TNR: variants seen among roughly 807,000 people sequenced by gnomAD.
TNR encodes the protein tenascin R.
Under a neutral mutation model 150.4 loss-of-function variants are expected in TNR, and 45 were observed. That is an observed-to-expected ratio of 0.30 (90% CI 0.24 to 0.38). The LOEUF (loss-of-function observed/expected upper bound fraction) is 0.38, where lower values mean the gene tolerates loss of function less well. Among genes scored for constraint, TNR ranks in the 10% least tolerant of loss-of-function variants. The pLI is 1.00. For missense variants in TNR, 1,544 were observed against 1,759.1 expected (o/e 0.88, Z 2.19); for synonymous variants, 687 against 678.4 (o/e 1.01, Z -0.20).
intron 1 of TNR, among the ~76,000 whole-genome samples, chr1:175,696,328 C>T (rs1666524585): frequency 1.3e-5 from 2 of 148,502 alleles, no homozygotes; most frequent in Non-Finnish European, 3.0e-5. Context: ...GAGTGCCATT[C>T]CTCCTTTTTA....
chr1:175,445,667 G>T (rs753597530), intron 2 of TNR, among the ~76,000 whole-genome samples: 1 of 152,118 alleles, frequency 6.6e-6, no homozygotes, highest in Non-Finnish European at 1.5e-5. Flanking sequence ...GAAGAAATAA[G>T]TACATTTCCT....
intron 1 of TNR, among the ~76,000 whole-genome samples, chr1:175,598,881 A>G (rs1211410091): frequency 6.6e-6 from 1 of 152,204 alleles, no homozygotes; most frequent in Non-Finnish European, 1.5e-5. Flanking sequence ...AAGTCTTCAC[A>G]TTTTCTGGAA....
At chr1:175,540,708 C>T (rs1660467350) in intron 1 of TNR, among the ~76,000 whole-genome samples, 1 of 152,140 alleles carries the variant, frequency 6.6e-6, no homozygotes, top group Non-Finnish European at 1.5e-5. Context: ...CTCTCCCCTT[C>T]CCCAGAGGTA....
intron 2 of TNR, among the ~76,000 whole-genome samples, chr1:175,510,803 C>T (rs979055701): frequency 6.6e-6 from 1 of 152,092 alleles, no homozygotes; most frequent in Non-Finnish European, 1.5e-5. Context: ...ATAGCTTTGC[C>T]ACAGCTTCCC....
intron 2 of TNR, among the ~76,000 whole-genome samples, chr1:175,480,422 A>C (rs1390528938): frequency 2.0e-5 from 3 of 147,136 alleles, no homozygotes; most frequent in Non-Finnish European, 4.5e-5. Flanking sequence ...GAAAGAAAAA[A>C]GAAAGAAAGA....
At chr1:175,623,272 G>A (rs1285289535) in intron 1 of TNR, among the ~76,000 whole-genome samples, 2 of 152,030 alleles carry the variant, frequency 1.3e-5, no homozygotes, top group Non-Finnish European at 2.9e-5. Context: ...GTAAATATTA[G>A]GTATTACTAT....
At chr1:175,574,893 T>A (rs1208894244) in intron 1 of TNR, among the ~76,000 whole-genome samples, 2 of 152,222 alleles carry the variant, frequency 1.3e-5, no homozygotes, top group Non-Finnish European at 2.9e-5. Context: ...TATCAGCCTA[T>A]GTATTTACTG....
intron 2 of TNR, among the ~76,000 whole-genome samples, chr1:175,526,486 A>G (rs958823363): frequency 2.0e-5 from 3 of 152,202 alleles, no homozygotes; most frequent in African/African-American, 7.2e-5. Context: ...TTATGGACAC[A>G]CACAAACCCA....
At chr1:175,453,272 T>G (rs147739134) in intron 2 of TNR, among the ~76,000 whole-genome samples, 11 of 152,160 alleles carry the variant, frequency 7.2e-5, no homozygotes, top group African/African-American at 2.2e-4. Context: ...TCCGGATGAT[T>G]GGTGACGTGT....
At chr1:175,544,470 T>C (rs1660613561) in intron 1 of TNR, among the ~76,000 whole-genome samples, 1 of 152,180 alleles carries the variant, frequency 6.6e-6, no homozygotes, top group Non-Finnish European at 1.5e-5. Flanking sequence ...AAAACATTAT[T>C]AACCAGGAAG....
intron 4 of TNR, among the ~76,000 whole-genome samples, chr1:175,398,352 T>A (rs566666573): frequency 5.3e-5 from 8 of 152,298 alleles, no homozygotes; most frequent in South Asian, 4.1e-4. Flanking sequence ...TTAAAAAAAA[T>A]TTTTGTTTAA....
At chr1:175,492,805 G>T (rs890213348) in intron 2 of TNR, among the ~76,000 whole-genome samples, 1 of 152,074 alleles carries the variant, frequency 6.6e-6, no homozygotes, top group Non-Finnish European at 1.5e-5. Flanking sequence ...AGTACATGGG[G>T]TTCATTGACA....
At chr1:175,658,515 T>C (rs1289316898) in intron 1 of TNR, among the ~76,000 whole-genome samples, 2 of 152,160 alleles carry the variant, frequency 1.3e-5, no homozygotes, top group African/African-American at 4.8e-5. Context: ...TGCTAAATCA[T>C]GGGCTGCAAA....
At chr1:175,733,014 C>T (rs1243102203) in intron 1 of TNR, among the ~76,000 whole-genome samples, 1 of 152,230 alleles carries the variant, frequency 6.6e-6, no homozygotes, top group African/African-American at 2.4e-5. Flanking sequence ...TCTCAGGTAA[C>T]CATTTGCCAC....
chr1:175,583,787 G>T (rs550524643), intron 1 of TNR, among the ~76,000 whole-genome samples: 1 of 152,306 alleles, frequency 6.6e-6, no homozygotes, highest in East Asian at 1.9e-4. Context: ...ACACAGAAAA[G>T]GGAAAGGACA....
At chr1:175,400,684 G>C (rs1054746122) in intron 4 of TNR, among the ~76,000 whole-genome samples, 2 of 152,096 alleles carry the variant, frequency 1.3e-5, no homozygotes. Flanking sequence ...GCCCTATAAC[G>C]AAGTATATTT....
At chr1:175,653,301 G>A (rs77783980) in intron 1 of TNR, among the ~76,000 whole-genome samples, 2,260 of 152,340 alleles carry the variant, frequency 0.015, 59 homozygotes, top group African/African-American at 0.052. Context: ...CGCATAGCAT[G>A]ACACCGCATG....
intron 1 of TNR, among the ~76,000 whole-genome samples, chr1:175,606,945 C>T (rs1021254620): frequency 6.6e-6 from 1 of 152,170 alleles, no homozygotes; most frequent in Non-Finnish European, 1.5e-5. Flanking sequence ...GAAATGTTGC[C>T]TTTGCTTGGC....
At chr1:175,368,061 T>C (rs1170630846) in intron 9 of TNR, among the ~76,000 whole-genome samples, 1 of 152,258 alleles carries the variant, frequency 6.6e-6, no homozygotes, top group Non-Finnish European at 1.5e-5. Flanking sequence ...CTAGAATATC[T>C]GGAATTCTCT....
Sources: allele counts gnomAD v4.1 joint callset (sites outside exome capture counted in the v4.1 genomes callset), GRCh38; gene constraint gnomAD v4.1.1; transcripts MANE v1.5; gene names NCBI Gene and HGNC (gene_info 2026-07-23, HGNC 2026-07-21).